Variants in PLEKHA3 observed in about 807,000 individuals in gnomAD.
The protein encoded by PLEKHA3 is pleckstrin homology domain-containing family A member 3.
PLEKHA3 carries 19 observed loss-of-function variants against 39.2 expected under a neutral mutation model. The ratio of observed to expected loss-of-function variants is 0.48; its 90% CI spans 0.34 to 0.71. PLEKHA3 has a LOEUF of 0.71. Ranked by LOEUF, PLEKHA3 falls within the 30% of genes least tolerant of loss-of-function variation. The pLI is 0.01. For synonymous variants in PLEKHA3, 97 were observed against 118.6 expected (o/e 0.82, Z 1.18); for missense variants, 253 against 359.5 (o/e 0.70, Z 2.40).
chr2:178,491,193 T>A (rs945130118), intron 3 of PLEKHA3, among the ~76,000 whole-genome samples: 1 of 152,072 alleles, frequency 6.6e-6, no homozygotes, highest in Admixed American at 6.5e-5. Flanking sequence ...GTATTTTTAG[T>A]AGAGACGGGG....
intron 5 of PLEKHA3, among the ~76,000 whole-genome samples, chr2:178,498,760 AAAT>A (rs1321416841): frequency 6.6e-6 from 1 of 152,136 alleles, no homozygotes; most frequent in African/African-American, 2.4e-5. Context: ...TCAGCTACCT[AAAT>A]AATTAATGAT....
rs1339450202 is a variant in PLEKHA3, at chr2:178,513,918, T to A, written c.*10031T>A. ...AATATCTTTTCAGTATTAGAACATT[T>A]CTGTTTATGCCCTATTCCAGTGGTA... On this transcript the variant is annotated 3_prime_UTR_variant, in exon 8 of 8. Transcript: ENST00000234453. The A allele has an allele frequency of 6.6e-6, 1 of 152,180 alleles. No individual in the cohort carries two copies. The highest frequency in any genetic ancestry group is 2.4e-5 in the African/African-American group (1 of 41,446). 9.4% of individuals were successfully genotyped at this position (152,180 alleles called of 1,614,324 possible). A position where few individuals can be genotyped will look rare whatever the true frequency, so the allele number is the denominator to read the frequency against.
intron 7 of PLEKHA3, among the ~76,000 whole-genome samples, chr2:178,501,409 C>T (rs1685528274): frequency 6.6e-6 from 1 of 151,896 alleles, no homozygotes; most frequent in Non-Finnish European, 1.5e-5. Context: ...TATCGTATCT[C>T]AGATATATAT....
chr2:178,482,327 G>T (rs776256648), intron 1 of PLEKHA3, among the ~76,000 whole-genome samples: 1 of 151,922 alleles, frequency 6.6e-6, no homozygotes, highest in African/African-American at 2.4e-5. Context: ...GCTTGCTCAA[G>T]ACCAACCTGG....
chr2:178,507,641 T>G lies in PLEKHA3; in HGVS notation c.*3754T>G, dbSNP rs1685623753. ...CAGTCATTCTGAAACTCCCTTTAGT[T>G]TTTAGTCTCACATTAGGTTTTTTTT... On this transcript the variant is annotated 3_prime_UTR_variant, in exon 8 of 8. Coordinates refer to ENST00000234453, the MANE Select transcript of PLEKHA3 (RefSeq NM_019091.4). The G allele has an allele frequency of 6.7e-6, 1 of 150,126 alleles. No individual in the cohort carries two copies. The allele number at this position is 150,126 out of a possible 1,614,324, so 9.3% of individuals were successfully genotyped here.
At chr2:178,497,811 A>G (rs993826450) in intron 5 of PLEKHA3, among the ~76,000 whole-genome samples, 9 of 152,244 alleles carry the variant, frequency 5.9e-5, no homozygotes, top group African/African-American at 2.2e-4. Context: ...TGAACTTCTC[A>G]GGAAATCCCT....
intron 6 of PLEKHA3, among the ~76,000 whole-genome samples, chr2:178,500,784 T>C (rs148402869): frequency 1.3e-5 from 2 of 152,054 alleles, no homozygotes; most frequent in African/African-American, 2.4e-5. Context: ...CCGACTGATA[T>C]GTCTGCTCTC....
In PLEKHA3 at chr2:178,510,268, A is replaced by G. The variant is rs1358467708; in HGVS notation, c.*6381A>G. On this transcript the variant is annotated 3_prime_UTR_variant, in exon 8 of 8. Transcript: ENST00000234453. ...CAAGCCTTAAGAAATCCAATCAGTT[A>G]TAGTTACTTTAAAAGTTTTAAAAAG... is the stretch of plus-strand genomic sequence containing the variant. The G allele has an allele frequency of 6.5e-6, 1 of 153,592 alleles. No individual in the cohort carries two copies. The highest frequency in any genetic ancestry group is 2.4e-5 in the African/African-American group (1 of 41,462). 9.5% of individuals were successfully genotyped at this position (153,592 alleles called of 1,614,324 possible). A position where few individuals can be genotyped will look rare whatever the true frequency, so the allele number is the denominator to read the frequency against.
At position 178,515,476 on chromosome 2, in the gene PLEKHA3, A is replaced by T. The variant is rs1158255157; in HGVS notation, c.*11589A>T. The T allele has an allele frequency of 2.0e-5, 3 of 152,182 alleles. No individual in the cohort carries two copies. The highest frequency in any genetic ancestry group is 7.2e-5 in the African/African-American group (3 of 41,458). 9.4% of individuals were successfully genotyped at this position (152,182 alleles called of 1,614,324 possible). ...TTTTCTCCAGTTTTGATAGATGATT[A>T]TAGAGTTCCCCAAAATGGCCTTCTT... is the stretch of plus-strand genomic sequence containing the variant. On this transcript the variant is annotated 3_prime_UTR_variant, in exon 8 of 8. Coordinates refer to ENST00000234453, the MANE Select transcript of PLEKHA3 (RefSeq NM_019091.4).
At chr2:178,494,098 C>A in intron 4 of PLEKHA3, 109 bp downstream of exon 4, 1 of 1,303,006 alleles carries the variant, frequency 7.7e-7, no homozygotes, top group Non-Finnish European at 1.1e-6. Context: ...TTATTTTCAG[C>A]TTTTCTGGGT....
intron 1 of PLEKHA3, among the ~76,000 whole-genome samples, chr2:178,484,714 G>A (rs1482230061): frequency 6.6e-6 from 1 of 152,226 alleles, no homozygotes; most frequent in Non-Finnish European, 1.5e-5. Context: ...ACTGCTCCCA[G>A]CATGGTCACC....
intron 2 of PLEKHA3, among the ~76,000 whole-genome samples, chr2:178,488,102 C>G (rs1036114284): frequency 6.6e-6 from 1 of 151,816 alleles, no homozygotes; most frequent in Non-Finnish European, 1.5e-5. Flanking sequence ...AATGAGACTC[C>G]TGTCTCCACA....
intron 3 of PLEKHA3, among the ~76,000 whole-genome samples, chr2:178,492,546 G>A (rs1032627885): frequency 1.3e-5 from 2 of 150,594 alleles, no homozygotes; most frequent in Admixed American, 1.3e-4. Context: ...TAGGTGCAGC[G>A]CACCAGCATG....
intron 7 of PLEKHA3, 144 bp from the exon 8 acceptor site, chr2:178,503,616 G>A: frequency 1.3e-6 from 1 of 781,840 alleles, no homozygotes; most frequent in Non-Finnish European, 2.0e-6. Context: ...AAGTTTTCCT[G>A]CATGAAACAA....
chr2:178,502,790 TCTCACA>T (rs1047694867), intron 7 of PLEKHA3, among the ~76,000 whole-genome samples: 8 of 148,698 alleles, frequency 5.4e-5, no homozygotes, highest in African/African-American at 2.1e-4. Flanking sequence ...ACAAAACTAG[TCTCACA>T]CACACACACA....
At chr2:178,483,553 A>G (rs141213717) in intron 1 of PLEKHA3, among the ~76,000 whole-genome samples, 2 of 152,296 alleles carry the variant, frequency 1.3e-5, no homozygotes, top group African/African-American at 4.8e-5. Context: ...CATTTTGCCC[A>G]ATATTTGTTT....
At chr2:178,497,179 C>T (rs1211753987) in intron 5 of PLEKHA3, among the ~76,000 whole-genome samples, 1 of 150,666 alleles carries the variant, frequency 6.6e-6, no homozygotes. Context: ...ACAATTGAGC[C>T]CGTTATATAT....
rs529355860 is a variant in PLEKHA3 at position 178,511,436 on chromosome 2, C to T, written c.*7549C>T. On this transcript the variant is annotated 3_prime_UTR_variant, in exon 8 of 8. Coordinates refer to ENST00000234453, the MANE Select transcript of PLEKHA3 (RefSeq NM_019091.4). ...TAGCCCAAGTTAGAGTGCAGTGACA[C>T]GATCTTGGCTCACTGCAACCTCCAC... 68 of 150,680 alleles carry T rather than the reference C, an allele frequency of 4.5e-4. No individual in the cohort carries two copies. The highest frequency in any genetic ancestry group is 1.6e-3 in the African/African-American group (65 of 40,910). 9.3% of individuals were successfully genotyped at this position (150,680 alleles called of 1,614,324 possible). A position where few individuals can be genotyped will look rare whatever the true frequency, so the allele number is the denominator to read the frequency against.
At position 178,480,890 on chromosome 2, in the gene PLEKHA3, G is replaced by T; in HGVS notation, c.21G>T (p.Lys7Asn). The T allele has an allele frequency of 7.6e-7, 1 of 1,314,772 alleles. No homozygotes were observed. The highest frequency in any genetic ancestry group is 2.8e-5 in the East Asian group (1 of 35,690). 81.4% of individuals were successfully genotyped at this position (1,314,772 alleles called of 1,614,324 possible). A position where few individuals can be genotyped will look rare whatever the true frequency, so the allele number is the denominator to read the frequency against. Reference sequence around the variant, plus strand: ...GAAGCATGGAGGGGGTGTTGTACAAGTGGACCAACTATCTCACAGGTATGG... The same window carrying T: ...GAAGCATGGAGGGGGTGTTGTACAATTGGACCAACTATCTCACAGGTATGG... MEGVLY[K>N]WTNYLTGWQP... Residue 7 changes from lysine to asparagine, a missense_variant, in exon 1 of 8, where the codon AAG becomes AAT. Around this residue, in one of 2 missense-constraint regions of PLEKHA3, gnomAD observed 126 missense variants for 222.7 expected, o/e 0.57. Coordinates refer to ENST00000234453, the MANE Select transcript of PLEKHA3 (RefSeq NM_019091.4).
Sources: gnomAD v4.1 joint callset for allele counts (sites outside exome capture counted in the v4.1 genomes callset) on GRCh38, gnomAD v4.1.1 for gene constraint, gnomAD v4.1.1 regional missense constraint, MANE v1.5 for transcripts, NCBI Gene and HGNC (gene_info 2026-07-23, HGNC 2026-07-21) for gene names.